Variants in RHBDD1 observed in about 807,000 individuals in gnomAD.
The protein encoded by RHBDD1 is rhomboid-related protein 4.
A neutral mutation model predicts 36.3 loss-of-function variants in RHBDD1; 38 were observed. The ratio of observed to expected loss-of-function variants is 1.05; its 90% CI spans 0.81 to 1.37. The LOEUF is 1.37. RHBDD1 is among the 40% of genes most tolerant of loss of function. RHBDD1 has a pLI of 0.00. For missense variants in RHBDD1, 393 were observed against 377.6 expected, an observed-to-expected ratio of 1.04 and a Z score of -0.34; for synonymous variants, 151 against 136.5, an observed-to-expected ratio of 1.11 and a Z score of -0.74.
intron 8 of RHBDD1, among the ~76,000 whole-genome samples, chr2:226,927,143 C>G (rs1244505040): frequency 6.6e-6 from 1 of 152,108 alleles, no homozygotes; most frequent in Non-Finnish European, 1.5e-5. Flanking sequence ...GCACTGTTCT[C>G]TTCTCCATCT....
intron 3 of RHBDD1, among the ~76,000 whole-genome samples, chr2:226,864,387 C>A (rs1222345640): frequency 6.6e-6 from 1 of 152,092 alleles, no homozygotes; most frequent in Non-Finnish European, 1.5e-5. Flanking sequence ...TTAACTGATT[C>A]ATTGGGATTT....
At chr2:226,893,031 C>G (rs1946817945) in intron 5 of RHBDD1, among the ~76,000 whole-genome samples, 1 of 152,158 alleles carries the variant, frequency 6.6e-6, no homozygotes, top group African/African-American at 2.4e-5. Context: ...ATGATGTGTA[C>G]AAGGAAATAC....
chr2:226,885,712 A>G (rs1241673841), intron 5 of RHBDD1, among the ~76,000 whole-genome samples: 3 of 152,158 alleles, frequency 2.0e-5, no homozygotes, highest in Admixed American at 2.0e-4. Context: ...TTTCCCCCCA[A>G]ATTTTCTACA....
At chr2:226,878,829 G>A (rs749830175) in intron 5 of RHBDD1, among the ~76,000 whole-genome samples, 6 of 152,176 alleles carry the variant, frequency 3.9e-5, no homozygotes, top group Non-Finnish European at 5.9e-5. Context: ...ACCATGAGTT[G>A]AATGAATATA....
chr2:226,884,495 G>C (rs1574949764), intron 5 of RHBDD1, among the ~76,000 whole-genome samples: 1 of 152,052 alleles, frequency 6.6e-6, no homozygotes, highest in Non-Finnish European at 1.5e-5. Context: ...GTTCCCCCCT[G>C]AATTCAAGAG....
intron 8 of RHBDD1, among the ~76,000 whole-genome samples, chr2:226,991,366 G>A (rs1007005399): frequency 6.6e-6 from 1 of 152,126 alleles, no homozygotes; most frequent in African/African-American, 2.4e-5. Flanking sequence ...ATTTTTAGTA[G>A]AGTCGGGGTT....
At chr2:226,943,045 C>T (rs1950764557) in intron 8 of RHBDD1, among the ~76,000 whole-genome samples, 1 of 152,124 alleles carries the variant, frequency 6.6e-6, no homozygotes, top group South Asian at 2.1e-4. Context: ...GTGAGAAAAA[C>T]CAAGAGTCAT....
chr2:226,875,166 C>T lies in RHBDD1; in HGVS notation c.566+7848C>T, dbSNP rs538787088. 2.0e-5 allele frequency among the ~76,000 whole-genome samples: 3 copies of T among 152,274 alleles called. No homozygotes were observed. The East Asian group carries it at 5.8e-4, about 29-fold the overall frequency. Reference sequence around the variant, plus strand: ...TTGTATCTTAACCATCTGCCTGACACAAAGTAGGCAATTAGTAAATATTTG... The same window carrying T: ...TTGTATCTTAACCATCTGCCTGACATAAAGTAGGCAATTAGTAAATATTTG... On this transcript the variant is annotated intron_variant, in intron 5 of 8. Transcript: ENST00000392062.
intron 3 of RHBDD1, among the ~76,000 whole-genome samples, chr2:226,849,572 T>C (rs192365417): frequency 5.9e-4 from 90 of 152,338 alleles, no homozygotes; most frequent in African/African-American, 2.1e-3. Flanking sequence ...GCTTCTAGCC[T>C]CCAGACCCTG....
intron 8 of RHBDD1, among the ~76,000 whole-genome samples, chr2:226,932,262 C>T (rs948529957): frequency 6.6e-6 from 1 of 152,090 alleles, no homozygotes; most frequent in East Asian, 1.9e-4. Context: ...AAAAATGCCA[C>T]GTGCACCTGA....
At chr2:226,915,812 G>C (rs528095750) in intron 8 of RHBDD1, among the ~76,000 whole-genome samples, 1 of 152,326 alleles carries the variant, frequency 6.6e-6, no homozygotes, top group African/African-American at 2.4e-5. Flanking sequence ...CTGTGATGAT[G>C]TATCAGTAAT....
the RHBDD1 span, among the ~76,000 whole-genome samples, chr2:226,827,858 G>C: frequency 6.6e-6 from 1 of 152,208 alleles, no homozygotes; most frequent in South Asian, 2.1e-4. Flanking sequence ...ATGTGGATGG[G>C]TAGGGCCTGG....
the RHBDD1 span, among the ~76,000 whole-genome samples, chr2:226,802,382 C>A: frequency 6.6e-6 from 1 of 152,174 alleles, no homozygotes; most frequent in Non-Finnish European, 1.5e-5. Context: ...TGATGTTTTA[C>A]TACCAATTTA....
intron 8 of RHBDD1, among the ~76,000 whole-genome samples, chr2:226,916,004 T>C (rs1346602390): frequency 6.6e-6 from 1 of 152,224 alleles, no homozygotes; most frequent in African/African-American, 2.4e-5. Flanking sequence ...CATGCCTGCC[T>C]GACTAATGGT....
At chr2:226,877,957 A>T (rs1309395076) in intron 5 of RHBDD1, among the ~76,000 whole-genome samples, 1 of 151,652 alleles carries the variant, frequency 6.6e-6, no homozygotes, top group African/African-American at 2.4e-5. Context: ...ATTAGTGTAA[A>T]TGTCAACATG....
chr2:226,827,885 C>T, the RHBDD1 span, among the ~76,000 whole-genome samples: 1 of 152,304 alleles, frequency 6.6e-6, no homozygotes, highest in African/African-American at 2.4e-5. Flanking sequence ...CTTCCATGGT[C>T]AGTCTTTACT....
At chr2:226,976,640 C>T (rs902478503) in intron 8 of RHBDD1, among the ~76,000 whole-genome samples, 1 of 152,044 alleles carries the variant, frequency 6.6e-6, no homozygotes, top group Non-Finnish European at 1.5e-5. Flanking sequence ...GACCCCAGTC[C>T]AACTTCACAC....
chr2:226,853,291 C>T (rs753905022), intron 3 of RHBDD1, among the ~76,000 whole-genome samples: 2 of 152,144 alleles, frequency 1.3e-5, no homozygotes, highest in African/African-American at 4.8e-5. Context: ...ATATTGGCCA[C>T]GAAGCAGAAC....
chr2:226,934,074 C>A (rs1390521855), intron 8 of RHBDD1, among the ~76,000 whole-genome samples: 1 of 152,110 alleles, frequency 6.6e-6, no homozygotes, highest in Non-Finnish European at 1.5e-5. Context: ...AGAGAAACAT[C>A]CAGTACTATT....
Sources: gnomAD v4.1 joint callset for allele counts (sites outside exome capture counted in the v4.1 genomes callset) on GRCh38, gnomAD v4.1.1 for gene constraint, MANE v1.5 for transcripts, NCBI Gene and HGNC (gene_info 2026-07-23, HGNC 2026-07-21) for gene names.